ZBBX: variants seen among roughly 807,000 people sequenced by gnomAD.
ZBBX encodes the protein zinc finger B-box domain containing.
ZBBX carries 101 observed loss-of-function variants against 108.5 expected under a neutral mutation model. The ratio of observed to expected loss-of-function variants is 0.93; its 90% confidence interval spans 0.79 to 1.10. The LOEUF is 1.10. Among genes scored for constraint, ZBBX ranks in the 50% least tolerant of loss-of-function variants. The pLI is 0.00. For missense variants in ZBBX, 1,009 were observed against 941.4 expected (o/e 1.07, Z -0.94); for synonymous variants, 356 against 323.4 (o/e 1.10, Z -1.08).
intron 20 of ZBBX, chr3:167,252,269 C>T: frequency 9.6e-7 from 1 of 1,041,534 alleles, no homozygotes; most frequent in Non-Finnish European, 1.3e-6. Context: ...GCAGCTTTCA[C>T]AGAGATTTGA....
At chr3:167,358,935 CAAAAAAAAAAAAAAAA>C (rs59753251) in intron 8 of ZBBX, among the ~76,000 whole-genome samples, 4 of 66,240 alleles carry the variant, frequency 6.0e-5, no homozygotes, top group African/African-American at 1.3e-4. Flanking sequence ...GACTCCATCT[CAAAAAAAAAAAAAAAA>C]AAAAAAAAAA....
chr3:167,243,942 A>G (rs1320713068), intron 20 of ZBBX, among the ~76,000 whole-genome samples: 5 of 152,012 alleles, frequency 3.3e-5, no homozygotes, highest in Non-Finnish European at 7.4e-5. Flanking sequence ...ACGTTCAATA[A>G]GCTTAGGATT....
upstream of ZBBX, among the ~76,000 whole-genome samples, chr3:167,383,475 G>A (rs1479235092): frequency 1.3e-5 from 2 of 152,004 alleles, no homozygotes; most frequent in East Asian, 3.9e-4. Context: ...ATATTTAAAT[G>A]CATCCGAATG....
chr3:167,293,014 C>A (rs534559035), intron 18 of ZBBX, among the ~76,000 whole-genome samples: 4 of 152,014 alleles, frequency 2.6e-5, no homozygotes, highest in Non-Finnish European at 4.4e-5. Context: ...AAGTTGAATC[C>A]CTGAATAGAC....
intron 11 of ZBBX, among the ~76,000 whole-genome samples, chr3:167,327,122 T>C (rs1258560150): frequency 4.7e-5 from 7 of 149,526 alleles, no homozygotes; most frequent in Non-Finnish European, 1.0e-4. Context: ...ATGTCTAGAA[T>C]GTAGGAGCGA....
chr3:167,180,377 T>G, the ZBBX span, among the ~76,000 whole-genome samples: 7 of 152,222 alleles, frequency 4.6e-5, no homozygotes, highest in African/African-American at 1.4e-4. Flanking sequence ...TTTAATGTTT[T>G]CAATTGATCC....
chr3:167,287,320 A>G (rs1473236570), intron 19 of ZBBX, among the ~76,000 whole-genome samples: 1 of 152,140 alleles, frequency 6.6e-6, no homozygotes, highest in Middle Eastern at 3.2e-3. Context: ...GACTGTTTAT[A>G]TTAGCATAAC....
intron 20 of ZBBX, among the ~76,000 whole-genome samples, chr3:167,254,154 T>C (rs549237067): frequency 3.3e-5 from 5 of 152,194 alleles, no homozygotes; most frequent in African/African-American, 1.2e-4. Flanking sequence ...TATGGTTATA[T>C]AAGAGAAAGC....
At chr3:167,315,902 G>T in intron 14 of ZBBX, 73 bp from the exon 15 acceptor site, 1 of 863,272 alleles carries the variant, frequency 1.2e-6, no homozygotes, top group Non-Finnish European at 1.8e-6. Flanking sequence ...CTTACTTATG[G>T]GTGATATTTG....
At chr3:167,217,603 C>A in the ZBBX span, among the ~76,000 whole-genome samples, 1 of 152,152 alleles carries the variant, frequency 6.6e-6, no homozygotes, top group East Asian at 1.9e-4. Context: ...CCAGCAATCC[C>A]ATTACTGGAC....
At chr3:167,186,959 G>A in the ZBBX span, among the ~76,000 whole-genome samples, 1 of 151,858 alleles carries the variant, frequency 6.6e-6, no homozygotes, top group African/African-American at 2.4e-5. Flanking sequence ...TATTTCCAAG[G>A]TGAGGATGAA....
chr3:167,355,301 C>G (rs1193663298), intron 8 of ZBBX, among the ~76,000 whole-genome samples: 1 of 151,902 alleles, frequency 6.6e-6, no homozygotes, highest in Non-Finnish European at 1.5e-5. Flanking sequence ...GGACACAATG[C>G]TAAATATTTT....
At position 167,388,875 on chromosome 3, in the gene ZBBX, A is replaced by G. The variant is rs1577143367; in HGVS notation, c.-445-8470T>C. Among the ~76,000 whole-genome samples the G allele has an allele frequency of 3.3e-5, 5 of 152,198 alleles. No homozygotes were observed. In the South Asian group the frequency reaches 6.2e-4, roughly 19 times the overall value. Reference sequence around the variant, plus strand: ...ATTTAATAATTAATATGTGAAGATCATGTCTTAAATTTGCATTTCTTTTAT... The same window carrying G: ...ATTTAATAATTAATATGTGAAGATCGTGTCTTAAATTTGCATTTCTTTTAT... On this transcript the variant is annotated intron_variant, in intron 1 of 21. Transcript: ENST00000455345.
the ZBBX span, among the ~76,000 whole-genome samples, chr3:167,212,603 C>T: frequency 6.6e-6 from 1 of 152,118 alleles, no homozygotes; most frequent in Non-Finnish European, 1.5e-5. Flanking sequence ...CAGCACAAAC[C>T]CTTCATCTTG....
At chr3:167,296,271 T>C (rs1316975988) in intron 18 of ZBBX, among the ~76,000 whole-genome samples, 1 of 152,028 alleles carries the variant, frequency 6.6e-6, no homozygotes, top group Non-Finnish European at 1.5e-5. Flanking sequence ...AAAAGTAATA[T>C]GCTAATAACC....
the ZBBX span, among the ~76,000 whole-genome samples, chr3:167,229,778 T>C: frequency 2.0e-5 from 3 of 151,832 alleles, no homozygotes; most frequent in Non-Finnish European, 4.4e-5. Context: ...TCAAGACTTA[T>C]TGAATATCTA....
intron 12 of ZBBX, among the ~76,000 whole-genome samples, chr3:167,319,530 C>T (rs1177041314): frequency 1.3e-5 from 2 of 151,808 alleles, no homozygotes; most frequent in South Asian, 2.1e-4. Flanking sequence ...AGGATATGGG[C>T]TGAACCCAAT....
intron 17 of ZBBX, among the ~76,000 whole-genome samples, chr3:167,298,857 CA>C (rs1347501706): frequency 2.0e-5 from 3 of 151,622 alleles, no homozygotes; most frequent in African/African-American, 7.3e-5. Context: ...GGTGAAATAC[CA>C]ATGGGAACTA....
the ZBBX span, among the ~76,000 whole-genome samples, chr3:167,186,496 G>T: frequency 1.4e-4 from 22 of 152,224 alleles, no homozygotes; most frequent in Non-Finnish European, 2.6e-4. Context: ...TTAAGAGGCA[G>T]ATCTGAAAGA....
Sources: gnomAD v4.1 joint callset for allele counts (sites outside exome capture counted in the v4.1 genomes callset) on GRCh38, gnomAD v4.1.1 for gene constraint, MANE v1.5 for transcripts, NCBI Gene and HGNC (gene_info 2026-07-23, HGNC 2026-07-21) for gene names.